Variants in GRID2 observed in about 807,000 individuals in gnomAD.
The protein encoded by GRID2 is glutamate receptor ionotropic, delta-2.
A neutral mutation model predicts 114.8 loss-of-function variants in GRID2; 33 were observed. The observed-to-expected ratio is 0.29, with a 90% confidence interval of 0.22 to 0.38. The LOEUF is 0.38. Among genes scored for constraint, GRID2 ranks in the 10% least tolerant of loss-of-function variants. GRID2 has a pLI of 1.00. For synonymous variants in GRID2, 505 were observed against 449.9 expected (o/e 1.12, Z -1.55); for missense variants, 1,184 against 1,257.7 (o/e 0.94, Z 0.89).
At chr4:92,382,831 C>T (rs979240248) in intron 1 of GRID2, among the ~76,000 whole-genome samples, 2 of 151,794 alleles carry the variant, frequency 1.3e-5, no homozygotes, top group African/African-American at 2.4e-5. Flanking sequence ...GGACACTGTA[C>T]GAGATAGATC....
intron 1 of GRID2, among the ~76,000 whole-genome samples, chr4:92,357,874 G>T (rs533333516): frequency 1.6e-4 from 25 of 151,842 alleles, no homozygotes; most frequent in African/African-American, 6.0e-4. Flanking sequence ...TTAAGACAGG[G>T]CTGATCACAA....
At chr4:93,129,006 A>G (rs993135441) in intron 4 of GRID2, among the ~76,000 whole-genome samples, 1 of 152,234 alleles carries the variant, frequency 6.6e-6, no homozygotes, top group African/African-American at 2.4e-5. Context: ...CCATGAAAGC[A>G]AACTAAAGCC....
chr4:92,959,249 C>G (rs1240824552), intron 2 of GRID2, among the ~76,000 whole-genome samples: 1 of 150,882 alleles, frequency 6.6e-6, no homozygotes, highest in Non-Finnish European at 1.5e-5. Flanking sequence ...ATTTAATTTC[C>G]TCTCCTTTTC....
chr4:93,661,712 G>A (rs189404386), intron 14 of GRID2, among the ~76,000 whole-genome samples: 2 of 152,268 alleles, frequency 1.3e-5, no homozygotes, highest in Admixed American at 1.3e-4. Flanking sequence ...TGAATTCAGT[G>A]TTTGCAGTGA....
At chr4:93,631,906 T>A (rs1578442279) in intron 14 of GRID2, among the ~76,000 whole-genome samples, 1 of 152,346 alleles carries the variant, frequency 6.6e-6, no homozygotes, top group African/African-American at 2.4e-5. Context: ...ATGATGGCCA[T>A]TCTAACTGCT....
At chr4:93,175,014 G>A (rs780799920) in intron 4 of GRID2, among the ~76,000 whole-genome samples, 28 of 152,202 alleles carry the variant, frequency 1.8e-4, no homozygotes, top group Non-Finnish European at 3.5e-4. Flanking sequence ...GATATGGTAA[G>A]TGCCTATTTG....
intron 1 of GRID2, among the ~76,000 whole-genome samples, chr4:92,524,932 G>A (rs748455464): frequency 1.3e-5 from 2 of 151,978 alleles, no homozygotes; most frequent in South Asian, 2.1e-4. Context: ...CACAATAAAG[G>A]AATATAAACC....
At chr4:92,827,636 C>A (rs1741816505) in intron 2 of GRID2, among the ~76,000 whole-genome samples, 1 of 151,936 alleles carries the variant, frequency 6.6e-6, no homozygotes, top group Admixed American at 6.6e-5. Flanking sequence ...TCAGAGAAGC[C>A]ATTTCATGGC....
chr4:93,220,251 T>A (rs2149487452), intron 6 of GRID2, among the ~76,000 whole-genome samples: 1 of 151,934 alleles, frequency 6.6e-6, no homozygotes, highest in South Asian at 2.1e-4. Context: ...TATATATATA[T>A]ATTTTTTTAG....
At chr4:93,000,319 A>G (rs1176392182) in intron 2 of GRID2, among the ~76,000 whole-genome samples, 1 of 151,678 alleles carries the variant, frequency 6.6e-6, no homozygotes, top group Admixed American at 6.6e-5. Context: ...ATTTAAAATA[A>G]TCTGACATCA....
rs552937450 is a variant in GRID2 at position 92,726,259 on chromosome 4, T to C, written c.244+135973T>C. Among the ~76,000 whole-genome samples the C allele has an allele frequency of 3.9e-3, 599 of 152,248 alleles. 5 individuals carry two copies. Among genetic ancestry groups the C allele is most frequent in the African/African-American group, 0.014 (565 of 41,568 alleles). ...TCTCAAATATATTCTCTTCTACAGA[T>C]TATAAAATCCTATGTGCAGGCATTA... is the stretch of plus-strand genomic sequence containing the variant. On this transcript the variant is annotated intron_variant, in intron 2 of 15. Transcript: ENST00000282020.
At chr4:92,446,523 C>T (rs1733478846) in intron 1 of GRID2, among the ~76,000 whole-genome samples, 1 of 152,194 alleles carries the variant, frequency 6.6e-6, no homozygotes, top group South Asian at 2.1e-4. Flanking sequence ...GAGGCTCATT[C>T]ATGGATTCTT....
At chr4:93,075,269 T>C (rs1454171101) in intron 2 of GRID2, among the ~76,000 whole-genome samples, 3 of 152,324 alleles carry the variant, frequency 2.0e-5, no homozygotes, top group African/African-American at 7.2e-5. Flanking sequence ...CTGATAACTC[T>C]GAACAGCTCT....
At chr4:93,263,042 G>A (rs1389971211) in intron 8 of GRID2, among the ~76,000 whole-genome samples, 1 of 151,658 alleles carries the variant, frequency 6.6e-6, no homozygotes, top group Non-Finnish European at 1.5e-5. Flanking sequence ...AATAGTGCCA[G>A]TTTCCATTTC....
chr4:93,005,990 G>A (rs1001194778), intron 2 of GRID2, among the ~76,000 whole-genome samples: 1 of 151,912 alleles, frequency 6.6e-6, no homozygotes. Context: ...ATTTATGATT[G>A]CTTTTCTATT....
chr4:92,777,478 C>T (rs147800450), intron 2 of GRID2, among the ~76,000 whole-genome samples: 2 of 152,160 alleles, frequency 1.3e-5, no homozygotes, highest in African/African-American at 4.8e-5. Context: ...TAGCAAAGTA[C>T]TCAAGGATCT....
chr4:92,947,351 G>T (rs1274432082), intron 2 of GRID2, among the ~76,000 whole-genome samples: 1 of 151,942 alleles, frequency 6.6e-6, no homozygotes, highest in Admixed American at 6.6e-5. Flanking sequence ...TATTAAATGT[G>T]CTATGTTTAA....
intron 8 of GRID2, among the ~76,000 whole-genome samples, chr4:93,381,223 G>T (rs915235080): frequency 6.6e-6 from 1 of 151,920 alleles, no homozygotes; most frequent in Non-Finnish European, 1.5e-5. Context: ...AGTAAACAAT[G>T]ATTCCCCATT....
chr4:92,541,483 CAAT>C (rs10643398), intron 1 of GRID2, among the ~76,000 whole-genome samples: 44 of 150,786 alleles, frequency 2.9e-4, no homozygotes, highest in African/African-American at 8.2e-4. Context: ...CTCAATTTTC[CAAT>C]AATAATAATA....
Sources: gnomAD v4.1 joint callset for allele counts (sites outside exome capture counted in the v4.1 genomes callset) on GRCh38, gnomAD v4.1.1 for gene constraint, MANE v1.5 for transcripts, NCBI Gene and HGNC (gene_info 2026-07-23, HGNC 2026-07-21) for gene names.